The following ARMC5 variants were observed in gnomAD, a reference collection of about 807,000 sequenced individuals.
ARMC5 encodes armadillo repeat-containing protein 5.
Under a neutral mutation model 60.5 loss-of-function variants are expected in ARMC5, and 28 were observed. The ratio of observed to expected loss-of-function variants is 0.46; its 90% CI spans 0.34 to 0.63. ARMC5 has a LOEUF of 0.63. Among genes scored for constraint, ARMC5 ranks in the 30% least tolerant of loss-of-function variants. The pLI is 0.01. For missense variants in ARMC5, 1,189 were observed against 1,304.9 expected (o/e 0.91, Z 1.37); for synonymous variants, 680 against 607.3 (o/e 1.12, Z -1.76).
rs1201859473 is a variant in ARMC5, at chr16:31,466,610, A to C, written c.2529A>C (p.Leu843=). ...EEALEAAGRF[L]LPGLEEELEE... ...CACTGGAGGCTGCTGGCCGTTTCCT[A>C]CTGCCTGGGCTGGAGGAGGAGCTGG... The change falls in exon 6 of 6, where the codon CTA becomes CTC. Residue 843 remains leucine (L), a synonymous_variant. Transcript: ENST00000268314. The surrounding 1 kb of genome is among the most constrained non-coding windows in gnomAD (Gnocchi z 8.0). The C allele has an allele frequency of 1.2e-6, 2 of 1,605,226 alleles. No homozygotes were observed. The highest frequency in any genetic ancestry group is 2.2e-5 in the South Asian group (2 of 90,008).
Position 31,464,474 on chromosome 16 carries a change from A to C in ARMC5, c.1451A>C (p.Glu484Ala), listed in dbSNP as rs1252154578. ...PDWSPEQCPPEPMEPASPAPT... is the reference protein window; with the variant it reads ...PDWSPEQCPPAPMEPASPAPT... ...TGGTCTCCTGAGCAGTGTCCGCCGG[A>C]GCCCATGGAGCCGGCCAGCCCCGCC... Residue 484 changes from glutamate (E) to alanine (A), a missense_variant, in exon 4 of 6, where the codon GAG (glutamate) becomes GCG (alanine). By Grantham distance (107) the Glu-to-Ala change is moderately radical. Around this residue, in one of 2 missense-constraint regions of ARMC5, gnomAD observed 862 missense variants for 1,071.2 expected, o/e 0.80. Transcript: ENST00000268314. This position sits in a 1 kb window ranked among gnomAD's most constrained non-coding sequence, Gnocchi z 7.6. 2 of 1,605,746 alleles carry C rather than the reference A, an allele frequency of 1.2e-6. No individual in the cohort carries two copies. The highest frequency in any genetic ancestry group is 1.7e-5 in the Admixed American group (1 of 58,816).
chr16:31,462,632 G>C lies in ARMC5; in HGVS notation c.1085G>C (p.Arg362Pro). 6.2e-7 allele frequency: 1 copy of C among 1,613,590 alleles called. No individual in the cohort carries two copies. Among genetic ancestry groups the C allele is most frequent in the Non-Finnish European group, 8.5e-7 (1 of 1,180,004 alleles). The change falls in exon 3 of 6, where the codon CGG (arginine) becomes CCG (proline). Residue 362 changes from arginine to proline, a missense_variant. Around this residue, in one of 2 missense-constraint regions of ARMC5, gnomAD observed 862 missense variants for 1,071.2 expected, o/e 0.80. Coordinates refer to ENST00000268314, the MANE Select transcript of ARMC5 (RefSeq NM_001105247.2). The surrounding 1 kb of genome is among the most constrained non-coding windows in gnomAD (Gnocchi z 7.2). ...VCLLCREAINRARLRDAGGLD... is the reference protein window; with the variant it reads ...VCLLCREAINPARLRDAGGLD... ...CTCCTATGTCGTGAGGCCATCAACCGGGCCCGACTGCGGGATGCTGGTGGC... is the reference window on the plus strand; with the variant it reads ...CTCCTATGTCGTGAGGCCATCAACCCGGCCCGACTGCGGGATGCTGGTGGC...
At chr16:31,458,849 C>G (rs941793499), upstream of ARMC5, 3 of 1,535,006 alleles carry the variant, frequency 2.0e-6, no homozygotes, top group South Asian at 2.4e-5. Context: ...CTCCCCGTTT[C>G]CTAGATGCCA....
chr16:31,459,322 A>C (rs1473909978), upstream of ARMC5: 7 of 1,534,936 alleles, frequency 4.6e-6, no homozygotes, highest in Non-Finnish European at 6.1e-6. Context: ...CGCACGTCCC[A>C]GGATGCGCTG....
At chr16:31,463,345 C>A (rs189184393) in intron 3 of ARMC5, among the ~76,000 whole-genome samples, 1 of 152,140 alleles carries the variant, frequency 6.6e-6, no homozygotes, top group Non-Finnish European at 1.5e-5. Context: ...GTGATCCACC[C>A]GCCTCAGCCT....
intron 4 of ARMC5, 171 bp from the exon 5 acceptor site, chr16:31,465,679 T>C: frequency 6.9e-7 from 1 of 1,439,492 alleles, no homozygotes; most frequent in South Asian, 1.5e-5. Context: ...CTTCTGTCCT[T>C]GTCCTGGACC....
At chr16:31,465,803 C>G in intron 4 of ARMC5, 47 bp from the exon 5 acceptor site, 1 of 1,602,544 alleles carries the variant, frequency 6.2e-7, no homozygotes. Context: ...ACTCACCCCA[C>G]CTGTCTTAGA....
Position 31,459,545 on chromosome 16 carries a change from C to T in ARMC5, c.21C>T (p.Thr7=). MAAAKP[T]LTDSLSFCLA... ...CCAAGATGGCGGCTGCGAAGCCAAC[C>T]CTCACGGACTCGCTCTCGTTCTGCC... The change falls in exon 1 of 6, where the codon ACC becomes ACT. Residue 7 remains threonine (T), a synonymous_variant. Coordinates refer to ENST00000268314, the MANE Select transcript of ARMC5 (RefSeq NM_001105247.2). The T allele has an allele frequency of 1.2e-6, 2 of 1,605,984 alleles. No homozygotes were observed. Among genetic ancestry groups the T allele is most frequent in the Non-Finnish European group, 8.5e-7 (1 of 1,179,014 alleles).
chr16:31,461,151 G>T (rs1024276972), intron 1 of ARMC5, among the ~76,000 whole-genome samples: 1 of 152,122 alleles, frequency 6.6e-6, no homozygotes, highest in African/African-American at 2.4e-5. Flanking sequence ...TCTCTGTGCT[G>T]TGTGATGCCA....
intron 3 of ARMC5, 115 bp downstream of exon 3, chr16:31,463,032 A>G (rs2082319100): frequency 1.2e-5 from 13 of 1,116,838 alleles, no homozygotes; most frequent in Admixed American, 3.0e-5. Context: ...AGACTTTTAT[A>G]ACCCAGACTC....
chr16:31,465,891 C>T lies in ARMC5; in HGVS notation c.1906C>T (p.Pro636Ser). ...LQNLTVQAESPFGVGALTHLL... is the reference protein window; with the variant it reads ...LQNLTVQAESSFGVGALTHLL... ...GAACCTGACGGTTCAGGCTGAGTCG[C>T]CCTTTGGGGTTGGGGCCCTGACGCA... is the stretch of plus-strand genomic sequence containing the variant. The change falls in exon 5 of 6, where the codon CCC becomes TCC. Residue 636 changes from proline to serine, a missense_variant. Pro to Ser is a moderately conservative substitution (Grantham distance 74). Coordinates refer to ENST00000268314, the MANE Select transcript of ARMC5 (RefSeq NM_001105247.2). 1 of 1,609,568 alleles carries T rather than the reference C, an allele frequency of 6.2e-7. No individual in the cohort carries two copies. The highest frequency in any genetic ancestry group is 2.2e-5 in the East Asian group (1 of 44,886).
rs760281096 is a variant in ARMC5, at chr16:31,465,875, G to A, written c.1890G>A (p.Thr630=). 26 of 1,609,514 alleles carry A rather than the reference G, an allele frequency of 1.6e-5. No individual in the cohort carries two copies. Among genetic ancestry groups the A allele is most frequent in the Middle Eastern group, 1.6e-4 (1 of 6,084 alleles). The stretch of plus-strand genomic sequence containing the variant: ...GGGAGAGGCTACTGCAGAACCTGAC[G>A]GTTCAGGCTGAGTCGCCCTTTGGGG... ...ELGERLLQNL[T]VQAESPFGVG... Residue 630 remains threonine, a synonymous_variant, in exon 5 of 6, where the codon ACG becomes ACA. Transcript: ENST00000268314.
At chr16:31,458,502 G>A (rs532537411), upstream of ARMC5, 22 of 1,535,722 alleles carry the variant, frequency 1.4e-5, 1 homozygote, top group South Asian at 2.0e-4. Context: ...CCGGACAACG[G>A]TAAGGCTTGT....
intron 1 of ARMC5, among the ~76,000 whole-genome samples, 174 bp from the exon 2 acceptor site, chr16:31,461,748 C>T (rs946683217): frequency 6.6e-6 from 1 of 152,090 alleles, no homozygotes; most frequent in Non-Finnish European, 1.5e-5. Context: ...CCTCAAGTGA[C>T]CCACCCACCT....
In ARMC5 at chr16:31,464,279, T is replaced by C; in HGVS notation, c.1371-115T>C. On this transcript the variant is annotated intron_variant, in intron 3 of 5. Coordinates refer to ENST00000268314, the MANE Select transcript of ARMC5 (RefSeq NM_001105247.2). This position sits in a 1 kb window ranked among gnomAD's most constrained non-coding sequence, Gnocchi z 7.6. ...CATTCCAGCCTGGGCTATAGAGGGA[T>C]ACCACATTTCTTTAAAAAAAAAAAA... 1 of 893,994 alleles carries C rather than the reference T, an allele frequency of 1.1e-6. No homozygotes were observed. The highest frequency in any genetic ancestry group is 1.5e-6 in the Non-Finnish European group (1 of 648,352). The allele number at this position is 893,994 out of a possible 1,614,324, so 55.4% of individuals were successfully genotyped here.
At chr16:31,459,317 G>A (rs1328764961), upstream of ARMC5, 2 of 1,534,870 alleles carry the variant, frequency 1.3e-6, no homozygotes, top group African/African-American at 1.4e-5. Context: ...CCGCCCGCAC[G>A]TCCCAGGATG....
Position 31,462,456 on chromosome 16 carries a change from G to C in ARMC5, c.909G>C (p.Leu303=), listed in dbSNP as rs377221865. 4.6e-4 allele frequency: 748 copies of C among 1,612,658 alleles called. 1 individual carries two copies. The highest frequency in any genetic ancestry group is 1.4e-3 in the South Asian group (131 of 91,046). Residue 303 remains leucine (L), a synonymous_variant, in exon 3 of 6, where the codon CTG becomes CTC. Coordinates refer to ENST00000268314, the MANE Select transcript of ARMC5 (RefSeq NM_001105247.2). This position sits in a 1 kb window ranked among gnomAD's most constrained non-coding sequence, Gnocchi z 7.2. The stretch of plus-strand genomic sequence containing the variant: ...GGGCAGTACGCGAGGGAACCATTCT[G>C]ATCCTCGCCAACCTGTGTGCCCAGG... ...PKRAVREGTI[L]ILANLCAQGL...
rs778636435 is a variant in ARMC5, at chr16:31,462,743, A to G, written c.1196A>G (p.Tyr399Cys). ...RIVAALVGFL[Y>C]DTGALGRLQA... ...GTGGCTGCCCTTGTGGGGTTTCTGT[A>G]TGACACTGGGGCCCTGGGCCGGCTG... The change falls in exon 3 of 6, where the codon TAT becomes TGT. Residue 399 changes from tyrosine (Y) to cysteine (C), a missense_variant. Coordinates refer to ENST00000268314, the MANE Select transcript of ARMC5 (RefSeq NM_001105247.2). This position sits in a 1 kb window ranked among gnomAD's most constrained non-coding sequence, Gnocchi z 7.2. 1 of 1,613,784 alleles carries G rather than the reference A, an allele frequency of 6.2e-7. No homozygotes were observed. The highest frequency in any genetic ancestry group is 8.5e-7 in the Non-Finnish European group (1 of 1,180,008).
At position 31,459,543 on chromosome 16, in the gene ARMC5, A is replaced by T. The variant is rs753580034; in HGVS notation, c.19A>T (p.Thr7Ser). The change falls in exon 1 of 6, where the codon ACC (threonine) becomes TCC (serine). Residue 7 changes from threonine to serine, a missense_variant. Physicochemically the swap from Thr to Ser is moderately conservative, Grantham distance 58. Transcript: ENST00000268314. ...AGCCAAGATGGCGGCTGCGAAGCCA[A>T]CCCTCACGGACTCGCTCTCGTTCTG... MAAAKP[T>S]LTDSLSFCLA... The T allele has an allele frequency of 1.2e-6, 2 of 1,605,372 alleles. No homozygotes were observed. Among genetic ancestry groups the T allele is most frequent in the Non-Finnish European group, 1.7e-6 (2 of 1,178,914 alleles).
Sources: allele counts gnomAD v4.1 joint callset (sites outside exome capture counted in the v4.1 genomes callset), GRCh38; gene constraint gnomAD v4.1.1; regional missense constraint gnomAD v4.1.1; non-coding constraint Gnocchi (gnomAD v3.1); transcripts MANE v1.5; gene names NCBI Gene and HGNC (gene_info 2026-07-23, HGNC 2026-07-21).